BGLAP: variants seen among roughly 807,000 people sequenced by gnomAD.
BGLAP encodes the protein bone gamma-carboxyglutamate protein, also known as osteocalcin.
BGLAP carries 15 observed loss-of-function variants against 13.7 expected under a neutral mutation model. The observed-to-expected ratio is 1.09, with a 90% CI of 0.73 to 1.68. The LOEUF is 1.68. BGLAP is among the 40% of genes most tolerant of loss of function. BGLAP has a pLI of 0.00. For synonymous variants in BGLAP, 67 were observed against 56.2 expected (o/e 1.19, Z -0.86); for missense variants, 120 against 134.3 (o/e 0.89, Z 0.53).
At chr1:156,242,690 G>A in intron 2 of BGLAP, 72 bp from the exon 3 acceptor site, 2 of 1,608,470 alleles carry the variant, frequency 1.2e-6, no homozygotes, top group South Asian at 1.1e-5. Context: ...TGGCCATCAG[G>A]AAGGCCAGCC....
rs200266697 is a variant in BGLAP at position 156,243,185 on chromosome 1, C to T, written c.*23C>T. ...TAGGGTGTCGCTCTGCTGGCCTGGCCGGCAACCCCAGTTCTGCTCCTCTCC... is the reference window on the plus strand; with the variant it reads ...TAGGGTGTCGCTCTGCTGGCCTGGCTGGCAACCCCAGTTCTGCTCCTCTCC... On this transcript the variant is annotated 3_prime_UTR_variant, in exon 4 of 4. Transcript: ENST00000368272. 2.7e-5 allele frequency: 43 copies of T among 1,612,064 alleles called. No homozygotes were observed. Among genetic ancestry groups the T allele is most frequent in the African/African-American group, 1.1e-4 (8 of 74,884 alleles).
Position 156,242,187 on chromosome 1 carries a change from C to T in BGLAP, c.-45C>T, listed in dbSNP as rs930197440. On this transcript the variant is annotated 5_prime_UTR_variant, in exon 1 of 4. Coordinates refer to ENST00000368272, the MANE Select transcript of BGLAP (RefSeq NM_199173.6). ...CAGTGCTGGAGGCTGGCGGGGCAGGCCAGCTGAGTCCTGAGCAGCAGCCCA... is the reference window on the plus strand; with the variant it reads ...CAGTGCTGGAGGCTGGCGGGGCAGGTCAGCTGAGTCCTGAGCAGCAGCCCA... 1.3e-5 allele frequency: 20 copies of T among 1,589,392 alleles called. No homozygotes were observed. The highest frequency in any genetic ancestry group is 1.7e-5 in the Admixed American group (1 of 57,862).
Position 156,242,270 on chromosome 1 carries a change from C to G in BGLAP, c.39C>G (p.Ala13=). 1 of 1,613,588 alleles carries G rather than the reference C, an allele frequency of 6.2e-7. No individual in the cohort carries two copies. Among genetic ancestry groups the G allele is most frequent in the Non-Finnish European group, 8.5e-7 (1 of 1,179,944 alleles). The change falls in exon 1 of 4, where the codon GCC becomes GCG. Residue 13 remains alanine, a synonymous_variant. Coordinates refer to ENST00000368272, the MANE Select transcript of BGLAP (RefSeq NM_199173.6). The part of the protein sequence containing the change: ...ALTLLALLAL[A]ALCIAGQAGA... The stretch of plus-strand genomic sequence containing the variant: ...CACTCCTCGCCCTATTGGCCCTGGC[C>G]GCACTTTGCATCGCTGGCCAGGCAG...
At chr1:156,242,876 A>G (rs764273286) in intron 3 of BGLAP, 45 bp downstream of exon 3, 1 of 1,572,118 alleles carries the variant, frequency 6.4e-7, no homozygotes, top group Non-Finnish European at 8.6e-7. Flanking sequence ...CCTCTCCGGG[A>G]TGGTCTGTGG....
rs1659427066 is a variant in BGLAP, at chr1:156,242,200, G to C, written c.-32G>C. 1 of 1,606,236 alleles carries C rather than the reference G, an allele frequency of 6.2e-7. No individual in the cohort carries two copies. Among genetic ancestry groups the C allele is most frequent in the Non-Finnish European group, 8.5e-7 (1 of 1,178,100 alleles). Reference sequence around the variant, plus strand: ...TGGCGGGGCAGGCCAGCTGAGTCCTGAGCAGCAGCCCAGCGCAGCCACCGA... The same window carrying C: ...TGGCGGGGCAGGCCAGCTGAGTCCTCAGCAGCAGCCCAGCGCAGCCACCGA... On this transcript the variant is annotated 5_prime_UTR_variant, in exon 1 of 4. Transcript: ENST00000368272.
chr1:156,242,392 C>T, intron 1 of BGLAP, 97 bp downstream of exon 1: 1 of 1,546,340 alleles, frequency 6.5e-7, no homozygotes, highest in Non-Finnish European at 8.8e-7. Context: ...GCTGGCAGTC[C>T]CTTTGCAGTC....
rs1324662623 is a variant in BGLAP at position 156,242,810 on chromosome 1, G to A, written c.152G>A (p.Arg51His). The A allele has an allele frequency of 3.7e-6, 6 of 1,600,118 alleles. No homozygotes were observed. The highest frequency in any genetic ancestry group is 1.3e-5 in the African/African-American group (1 of 74,558). ...EGSEVVKRPR[R>H]YLYQWLGAPV... ...AGCGAGGTAGTGAAGAGACCCAGGC[G>A]CTACCTGTATCAATGGCTGGGGTGA... is the stretch of plus-strand genomic sequence containing the variant. Residue 51 changes from arginine (R) to histidine (H), a missense_variant, in exon 3 of 4, where the codon CGC (arginine) becomes CAC (histidine). Arg to His is a conservative substitution (Grantham distance 29). Transcript: ENST00000368272.
chr1:156,242,344 G>A (rs1659445956), intron 1 of BGLAP, 49 bp downstream of exon 1: 3 of 1,599,208 alleles, frequency 1.9e-6, no homozygotes, highest in East Asian at 4.6e-5. Flanking sequence ...GGGGCTGAGA[G>A]GAGGAAGCAC....
rs748979663 is a variant in BGLAP, at chr1:156,243,086, T to C, written c.227T>C (p.Leu76Pro). The C allele has an allele frequency of 1.1e-5, 17 of 1,614,038 alleles. No homozygotes were observed. Among genetic ancestry groups the C allele is most frequent in the Non-Finnish European group, 1.4e-5 (17 of 1,179,974 alleles). Reference protein sequence around the residue: ...PLEPRREVCELNPDCDELADH... With the variant: ...PLEPRREVCEPNPDCDELADH... ...GAGCCCAGGAGGGAGGTGTGTGAGC[T>C]CAATCCGGACTGTGACGAGTTGGCT... The change falls in exon 4 of 4, where the codon CTC becomes CCC. Residue 76 changes from leucine (L) to proline (P), a missense_variant. Physicochemically the swap from Leu to Pro is moderately conservative, Grantham distance 98 (BLOSUM62 -3). Coordinates refer to ENST00000368272, the MANE Select transcript of BGLAP (RefSeq NM_199173.6).
rs199896882 is a variant in BGLAP, at chr1:156,242,223, C to T, written c.-9C>T. 9.9e-5 allele frequency: 160 copies of T among 1,612,476 alleles called. No homozygotes were observed. Among genetic ancestry groups the T allele is most frequent in the Non-Finnish European group, 1.3e-4 (149 of 1,179,898 alleles). On this transcript the variant is annotated 5_prime_UTR_variant, in exon 1 of 4. Transcript: ENST00000368272. ...CTGAGCAGCAGCCCAGCGCAGCCAC[C>T]GAGACACCATGAGAGCCCTCACACT...
In BGLAP at chr1:156,242,556, C is replaced by T. The variant is rs183196972; in HGVS notation, c.68C>T (p.Ala23Val). Residue 23 changes from alanine (A) to valine (V), a missense_variant, in exon 2 of 4, where the codon GCG becomes GTG. Transcript: ENST00000368272. ...CCAGGCTCCCTTTCCTTTGCAGGTG[C>T]GAAGCCCAGCGGTGCAGAGTCCAGC... ...AALCIAGQAG[A>V]KPSGAESSKG... 11 of 1,552,128 alleles carry T rather than the reference C, an allele frequency of 7.1e-6. No homozygotes were observed. In the African/African-American group the frequency reaches 8.2e-5, roughly 12 times the overall value.
chr1:156,242,200 G>T lies in BGLAP; in HGVS notation c.-32G>T. ...TGGCGGGGCAGGCCAGCTGAGTCCT[G>T]AGCAGCAGCCCAGCGCAGCCACCGA... On this transcript the variant is annotated 5_prime_UTR_variant, in exon 1 of 4. Transcript: ENST00000368272. 6.2e-7 allele frequency: 1 copy of T among 1,606,236 alleles called. No homozygotes were observed. Among genetic ancestry groups the T allele is most frequent in the Admixed American group, 1.7e-5 (1 of 59,652 alleles).
In BGLAP at chr1:156,243,016, C is replaced by T. The variant is rs769224794; in HGVS notation, c.174-17C>T. Reference sequence around the variant, plus strand: ...CATTTTGCACGGGGGCTGATGCCACCACGTCGGGTGTCTCAGAGCCCCAGT... The same window carrying T: ...CATTTTGCACGGGGGCTGATGCCACTACGTCGGGTGTCTCAGAGCCCCAGT... On this transcript the variant is annotated splice_polypyrimidine_tract_variant and intron_variant, in intron 3 of 3. Transcript: ENST00000368272. The T allele has an allele frequency of 6.2e-7, 1 of 1,613,892 alleles. No individual in the cohort carries two copies. Among genetic ancestry groups the T allele is most frequent in the Admixed American group, 1.7e-5 (1 of 60,002 alleles).
Position 156,243,093 on chromosome 1 carries a change from G to C in BGLAP, c.234G>C (p.Pro78=), listed in dbSNP as rs745679899. ...EPRREVCELN[P]DCDELADHIG... ...GGAGGGAGGTGTGTGAGCTCAATCC[G>C]GACTGTGACGAGTTGGCTGACCACA... The change falls in exon 4 of 4, where the codon CCG becomes CCC. Residue 78 remains proline, a synonymous_variant. Coordinates refer to ENST00000368272, the MANE Select transcript of BGLAP (RefSeq NM_199173.6). The C allele has an allele frequency of 6.2e-7, 1 of 1,614,186 alleles. No homozygotes were observed. The highest frequency in any genetic ancestry group is 1.3e-5 in the African/African-American group (1 of 75,040).
In BGLAP at chr1:156,242,274, C is replaced by A. The variant is rs1659436981; in HGVS notation, c.43C>A (p.Leu15Ile). 6.2e-7 allele frequency: 1 copy of A among 1,613,528 alleles called. No homozygotes were observed. The highest frequency in any genetic ancestry group is 1.1e-5 in the South Asian group (1 of 91,002). The change falls in exon 1 of 4, where the codon CTT (leucine) becomes ATT (isoleucine). Residue 15 changes from leucine (L) to isoleucine (I), a missense_variant. Leu to Ile is a conservative substitution (Grantham distance 5). Coordinates refer to ENST00000368272, the MANE Select transcript of BGLAP (RefSeq NM_199173.6). ...TLLALLALAA[L>I]CIAGQAGAKP... is the part of the protein sequence containing the mutation. ...CCTCGCCCTATTGGCCCTGGCCGCA[C>A]TTTGCATCGCTGGCCAGGCAGGTGA...
In BGLAP at chr1:156,242,883, G is replaced by T. The variant is rs765562967; in HGVS notation, c.173+52G>T. The T allele has an allele frequency of 1.9e-6, 3 of 1,573,458 alleles. No individual in the cohort carries two copies. In the African/African-American group the frequency reaches 4.0e-5, roughly 21 times the overall value. Reference sequence around the variant, plus strand: ...AGGCCCTGCCTCTCCGGGATGGTCTGTGGGGGAGCTGCAGCAGGGAGTGGC... The same window carrying T: ...AGGCCCTGCCTCTCCGGGATGGTCTTTGGGGGAGCTGCAGCAGGGAGTGGC... On this transcript the variant is annotated intron_variant, in intron 3 of 3. Coordinates refer to ENST00000368272, the MANE Select transcript of BGLAP (RefSeq NM_199173.6).
rs978902340 is a variant in BGLAP at position 156,242,961 on chromosome 1, A to G, written c.174-72A>G. The G allele has an allele frequency of 2.5e-6, 4 of 1,603,414 alleles. No homozygotes were observed. The Admixed American group carries it at 6.8e-5, about 27-fold the overall frequency. On this transcript the variant is annotated intron_variant, in intron 3 of 3. Transcript: ENST00000368272. ...CAGCCTGCCCTGGTGGGCACCCTGG[A>G]GCCCCATGTGTAGGGAGAGGAGGGA...
At position 156,243,203 on chromosome 1, in the gene BGLAP, T is replaced by C. The variant is rs1480939888; in HGVS notation, c.*41T>C. On this transcript the variant is annotated 3_prime_UTR_variant, in exon 4 of 4. Coordinates refer to ENST00000368272, the MANE Select transcript of BGLAP (RefSeq NM_199173.6). ...GCCTGGCCGGCAACCCCAGTTCTGC[T>C]CCTCTCCAGGCACCCTTCTTTCCTC... 2 of 1,609,380 alleles carry C rather than the reference T, an allele frequency of 1.2e-6. No homozygotes were observed. Among genetic ancestry groups the C allele is most frequent in the Middle Eastern group, 1.7e-4 (1 of 6,048 alleles).
At position 156,243,260 on chromosome 1, in the gene BGLAP, C is replaced by G. The variant is rs1344682873; in HGVS notation, c.*98C>G. The G allele has an allele frequency of 2.7e-5, 43 of 1,563,826 alleles. No homozygotes were observed. The highest frequency in any genetic ancestry group is 7.8e-6 in the Non-Finnish European group (9 of 1,156,564). ...TTGCCCTTGCCCTGACCTCCCAGCCCTATGGATGTGGGGTCCCCATCATCC... is the reference window on the plus strand; with the variant it reads ...TTGCCCTTGCCCTGACCTCCCAGCCGTATGGATGTGGGGTCCCCATCATCC... On this transcript the variant is annotated 3_prime_UTR_variant, in exon 4 of 4. Transcript: ENST00000368272.
Sources: allele counts gnomAD v4.1 joint callset, GRCh38; gene constraint gnomAD v4.1.1; transcripts MANE v1.5; gene names NCBI Gene and HGNC (gene_info 2026-07-23, HGNC 2026-07-21).